MTUS1: variants seen among roughly 807,000 people sequenced by gnomAD.
MTUS1 encodes the protein microtubule associated scaffold protein 1, also known as microtubule-associated tumor suppressor 1.
In MTUS1, 109 loss-of-function variants were observed where a neutral mutation model predicts 120.8. The observed-to-expected ratio is 0.90, with a 90% CI of 0.77 to 1.06. The LOEUF (loss-of-function observed/expected upper bound fraction) is 1.06. Ranked by LOEUF, MTUS1 falls within the 50% of genes least tolerant of loss-of-function variation. The pLI, the probability that MTUS1 is intolerant of heterozygous loss-of-function variation, is 0.00. For missense variants in MTUS1, 2,210 were observed against 1,486.3 expected, an observed-to-expected ratio of 1.49 and a Z score of -8.01; for synonymous variants, 737 against 550.5, an observed-to-expected ratio of 1.34 and a Z score of -4.74.
intron 1 of MTUS1, among the ~76,000 whole-genome samples, chr8:17,756,723 TA>T (rs2048653236): frequency 7.8e-6 from 1 of 129,002 alleles, no homozygotes; most frequent in Non-Finnish European, 1.6e-5. Flanking sequence ...AGGAGGTGAT[TA>T]AGGTTAAAAG....
intron 8 of MTUS1, among the ~76,000 whole-genome samples, chr8:17,667,389 T>C (rs529699122): frequency 3.3e-5 from 5 of 152,194 alleles, no homozygotes; most frequent in Non-Finnish European, 1.5e-5. Context: ...CTGTAAAGAG[T>C]TTAAAAATTA....
intron 3 of MTUS1, among the ~76,000 whole-genome samples, chr8:17,739,444 G>A (rs562697044): frequency 3.4e-5 from 4 of 116,040 alleles, no homozygotes; most frequent in Middle Eastern, 5.3e-3. Context: ...GGTGAGCCAC[G>A]ATTGCGTCAA....
At chr8:17,703,651 AG>A (rs1819562887) in intron 6 of MTUS1, among the ~76,000 whole-genome samples, 1 of 147,108 alleles carries the variant, frequency 6.8e-6, no homozygotes, top group Non-Finnish European at 1.5e-5. Flanking sequence ...AAAAGGACTG[AG>A]AGAGATACGC....
chr8:17,681,381 A>T (rs1042598082), intron 7 of MTUS1, among the ~76,000 whole-genome samples: 4 of 152,222 alleles, frequency 2.6e-5, no homozygotes, highest in Admixed American at 1.3e-4. Flanking sequence ...ACAATGGATG[A>T]CGTACAGGAA....
rs139698709 is a variant in MTUS1 at position 17,700,387 on chromosome 8, T to A, written c.2623+12827A>T. Among the ~76,000 whole-genome samples the A allele has an allele frequency of 4.0e-3, 575 of 144,722 alleles. 3 individuals carry two copies. The highest frequency in any genetic ancestry group is 0.013 in the African/African-American group (512 of 39,332). 94.9% of individuals were successfully genotyped at this position (144,722 alleles called of 152,430 possible). ...CAGGAAGCTGAGGCAGGAGAACCGC[T>A]TGAATCTGGGAGATGGAGGTTGCAA... On this transcript the variant is annotated intron_variant, in intron 6 of 14. Coordinates refer to ENST00000693296, the MANE Select transcript of MTUS1 (RefSeq NM_001363059.2).
intron 8 of MTUS1, among the ~76,000 whole-genome samples, chr8:17,669,529 A>G (rs1042922519): frequency 2.0e-5 from 3 of 152,148 alleles, no homozygotes; most frequent in Non-Finnish European, 4.4e-5. Flanking sequence ...AGGCCAAAAT[A>G]GAGTCTTTTG....
Position 17,645,777 on chromosome 8 carries a change from C to G in MTUS1, c.*149G>C. 1 of 1,007,530 alleles carries G rather than the reference C, an allele frequency of 9.9e-7. No homozygotes were observed. Among genetic ancestry groups the G allele is most frequent in the Non-Finnish European group, 1.4e-6 (1 of 736,550 alleles). The allele number at this position is 1,007,530 out of a possible 1,614,324, so 62.4% of individuals were successfully genotyped here. ...TCCTCCAGAGTTCCAGTCTCAGAAG[C>G]TGCGATTCCGCCGGTGGTGACGCTC... On this transcript the variant is annotated 3_prime_UTR_variant, in exon 15 of 15. Transcript: ENST00000693296.
intron 1 of MTUS1, among the ~76,000 whole-genome samples, chr8:17,776,569 C>T (rs1289944794): frequency 6.7e-6 from 1 of 148,546 alleles, no homozygotes; most frequent in African/African-American, 2.5e-5. Context: ...GTCCCAGCTA[C>T]TTGGGAGGCT....
At chr8:17,735,910 C>T (rs764139639) in intron 3 of MTUS1, among the ~76,000 whole-genome samples, 10 of 152,188 alleles carry the variant, frequency 6.6e-5, no homozygotes, top group Admixed American at 2.6e-4. Context: ...ACTATAAATG[C>T]AAAGCAGCAG....
rs771024371 is a variant in MTUS1, at chr8:17,654,663, C to G, written c.3112G>C (p.Asp1038His). 6.2e-7 allele frequency: 1 copy of G among 1,611,744 alleles called. No individual in the cohort carries two copies. The highest frequency in any genetic ancestry group is 8.5e-7 in the Non-Finnish European group (1 of 1,177,804). The change falls in exon 10 of 15, where the codon GAC becomes CAC. Residue 1038 changes from aspartate to histidine, a missense_variant. Transcript: ENST00000693296. Reference sequence around the variant, plus strand: ...GTTTCATGCGCAGCATTTAAGTTGTCAAACTGTAAGCAACAAACAAAACCG... The same window carrying G: ...GTTTCATGCGCAGCATTTAAGTTGTGAAACTGTAAGCAACAAACAAAACCG... ...KYKMQLQEQF[D>H]NLNAAHETSK...
chr8:17,754,436 T>C lies in MTUS1; in HGVS notation c.1372A>G (p.Asn458Asp). 1 of 1,614,224 alleles carries C rather than the reference T, an allele frequency of 6.2e-7. No homozygotes were observed. Among genetic ancestry groups the C allele is most frequent in the Non-Finnish European group, 8.5e-7 (1 of 1,180,034 alleles). Residue 458 changes from asparagine to aspartate, a missense_variant, in exon 2 of 15, where the codon AAT (asparagine) becomes GAT (aspartate). Transcript: ENST00000693296. ...TEKCKKVEKG[N>D]RGLKNIPDSK... ...TCTGGTATGTTTTTAAGCCCTCGAT[T>C]ACCCTTCTCCACTTTCTTACATTTC...
chr8:17,730,683 C>T (rs1563282733), intron 3 of MTUS1, among the ~76,000 whole-genome samples: 3 of 152,128 alleles, frequency 2.0e-5, no homozygotes, highest in Non-Finnish European at 4.4e-5. Context: ...CATGCTACAA[C>T]ATGGATGAAC....
Position 17,743,641 on chromosome 8 carries a change from G to A in MTUS1, c.2250C>T (p.Ala750=), listed in dbSNP as rs776848545. The A allele has an allele frequency of 2.0e-5, 32 of 1,613,918 alleles. No homozygotes were observed. The highest frequency in any genetic ancestry group is 8.8e-5 in the South Asian group (8 of 91,068). The change falls in exon 3 of 15, where the codon GCC becomes GCT. Residue 750 remains alanine, a synonymous_variant. Coordinates refer to ENST00000693296, the MANE Select transcript of MTUS1 (RefSeq NM_001363059.2). ...SDNRNPSADR[A]VSPQRIRRVS... is the part of the protein sequence containing the mutation. ...CACGCCTGATCCTCTGAGGAGATACGGCTCGATCAGCACTGGGATTTCTAT... is the reference window on the plus strand; with the variant it reads ...CACGCCTGATCCTCTGAGGAGATACAGCTCGATCAGCACTGGGATTTCTAT...
intron 8 of MTUS1, among the ~76,000 whole-genome samples, chr8:17,666,260 T>C (rs1810887265): frequency 6.7e-6 from 1 of 149,996 alleles, no homozygotes. Context: ...AGGAATCCTG[T>C]TTCAATCAAG....
chr8:17,718,978 T>C (rs1402292211), intron 4 of MTUS1, among the ~76,000 whole-genome samples: 1 of 152,034 alleles, frequency 6.6e-6, no homozygotes, highest in African/African-American at 2.4e-5. Context: ...GAGACCAGCC[T>C]GGCCAATATG....
intron 6 of MTUS1, among the ~76,000 whole-genome samples, chr8:17,698,246 G>C (rs1038449442): frequency 2.6e-5 from 4 of 152,182 alleles, no homozygotes; most frequent in Non-Finnish European, 5.9e-5. Context: ...TGCATTTATA[G>C]AACATCATGT....
At chr8:17,741,802 G>C (rs2047337421) in intron 3 of MTUS1, among the ~76,000 whole-genome samples, 2 of 152,180 alleles carry the variant, frequency 1.3e-5, no homozygotes, top group Admixed American at 1.3e-4. Context: ...AATTAGGTGA[G>C]CTCCAAATTG....
At chr8:17,657,326 T>A (rs1335236797) in intron 8 of MTUS1, among the ~76,000 whole-genome samples, 1 of 151,420 alleles carries the variant, frequency 6.6e-6, no homozygotes, top group Admixed American at 6.6e-5. Context: ...CCCAGCACTT[T>A]GGGAGGCCGA....
intron 13 of MTUS1, among the ~76,000 whole-genome samples, chr8:17,648,052 A>G (rs1001844072): frequency 3.9e-5 from 6 of 152,236 alleles, no homozygotes; most frequent in Non-Finnish European, 8.8e-5. Context: ...AGATAAAACA[A>G]CGTGGAAAAA....
Sources: allele counts gnomAD v4.1 joint callset (sites outside exome capture counted in the v4.1 genomes callset), GRCh38; gene constraint gnomAD v4.1.1; transcripts MANE v1.5; gene names NCBI Gene and HGNC (gene_info 2026-07-23, HGNC 2026-07-21).